TRMT9B: variants seen among roughly 807,000 people sequenced by gnomAD.
TRMT9B encodes the protein tRNA methyltransferase 9B (putative), also known as probable tRNA methyltransferase 9B.
A neutral mutation model predicts 11.5 loss-of-function variants in TRMT9B; 16 were observed. The ratio of observed to expected loss-of-function variants is 1.39; its 90% CI spans 0.94 to 2.11. The LOEUF (loss-of-function observed/expected upper bound fraction) is 2.11. Ranked by LOEUF, TRMT9B falls within the 30% of genes most tolerant of loss-of-function variation. The probability of loss-of-function intolerance (pLI) is 0.00; values close to 1 mark genes in which losing one functional copy is unlikely to be tolerated. For missense variants in TRMT9B, 941 were observed against 553.8 expected (o/e 1.70, Z -7.02); for synonymous variants, 274 against 192.4 (o/e 1.42, Z -3.51).
At chr8:12,993,956 G>A (rs552483023) in intron 2 of TRMT9B, among the ~76,000 whole-genome samples, 42 of 152,310 alleles carry the variant, frequency 2.8e-4, no homozygotes, top group African/African-American at 8.9e-4. Context: ...AACTTGGGAT[G>A]AGGCATGAGG....
At chr8:13,015,842 T>C (rs1236959352) in intron 4 of TRMT9B, among the ~76,000 whole-genome samples, 1 of 152,124 alleles carries the variant, frequency 6.6e-6, no homozygotes, top group Non-Finnish European at 1.5e-5. Context: ...CTAGTTACCA[T>C]CTTCGAATTA....
intron 1 of TRMT9B, among the ~76,000 whole-genome samples, chr8:12,956,820 A>C (rs1411831870): frequency 6.6e-6 from 1 of 152,170 alleles, no homozygotes; most frequent in Non-Finnish European, 1.5e-5. Flanking sequence ...TACTTATTTC[A>C]TACCCTGGTG....
Position 13,028,894 on chromosome 8 carries a change from C to G in TRMT9B, c.*6850C>G, listed in dbSNP as rs1284637993. 1.8e-5 allele frequency: 3 copies of G among 166,988 alleles called. No homozygotes were observed. Among genetic ancestry groups the G allele is most frequent in the Non-Finnish European group, 4.4e-5 (3 of 68,106 alleles). 10.3% of individuals were successfully genotyped at this position (166,988 alleles called of 1,614,324 possible). On this transcript the variant is annotated 3_prime_UTR_variant, in exon 5 of 5. Coordinates refer to ENST00000524591, the MANE Select transcript of TRMT9B (RefSeq NM_020844.3). ...GACTCCACTACTAAAGTTTGTTTTA[C>G]TTCTCTGGTTATTTACACAAAACGC...
intron 1 of TRMT9B, among the ~76,000 whole-genome samples, chr8:12,973,381 A>G (rs1193439725): frequency 1.3e-5 from 2 of 152,178 alleles, no homozygotes; most frequent in Non-Finnish European, 2.9e-5. Context: ...GGAGGACCAC[A>G]CAGAAAGCTG....
chr8:13,021,672 A>C lies in TRMT9B; in HGVS notation c.993A>C (p.Lys331Asn), dbSNP rs1813933437. The C allele has an allele frequency of 6.2e-7, 1 of 1,613,940 alleles. No homozygotes were observed. Among genetic ancestry groups the C allele is most frequent in the South Asian group, 1.1e-5 (1 of 91,052 alleles). ...LEWLRAPGTL[K>N]HLNGDHQGEM... ...GGCTGAGAGCACCAGGCACTCTGAAACATTTAAATGGAGACCATCAAGGGG... is the reference window on the plus strand; with the variant it reads ...GGCTGAGAGCACCAGGCACTCTGAACCATTTAAATGGAGACCATCAAGGGG... The change falls in exon 5 of 5, where the codon AAA (lysine) becomes AAC (asparagine). Residue 331 changes from lysine to asparagine, a missense_variant. Physicochemically the swap from Lys to Asn is moderately conservative, Grantham distance 94 (BLOSUM62 0). Transcript: ENST00000524591.
chr8:12,948,819 GCA>G (rs1800394071), intron 1 of TRMT9B, among the ~76,000 whole-genome samples: 1 of 152,108 alleles, frequency 6.6e-6, no homozygotes, highest in Non-Finnish European at 1.5e-5. Context: ...ACTTAGCCGG[GCA>G]TGGTGGCAGG....
At chr8:12,955,430 C>T (rs1801166528) in intron 1 of TRMT9B, among the ~76,000 whole-genome samples, 1 of 152,090 alleles carries the variant, frequency 6.6e-6, no homozygotes, top group Non-Finnish European at 1.5e-5. Flanking sequence ...TCCCTCCTAT[C>T]CTCCCTTCTT....
intron 1 of TRMT9B, among the ~76,000 whole-genome samples, chr8:12,948,772 A>G (rs1399847195): frequency 2.6e-5 from 4 of 152,072 alleles, no homozygotes; most frequent in African/African-American, 9.7e-5. Context: ...CATTCTGGCT[A>G]ACACGGTGAA....
rs200936322 is a variant in TRMT9B, at chr8:13,028,912, C to G, written c.*6868C>G. ...TGTTTTACTTCTCTGGTTATTTACA[C>G]AAAACGCTGGCAATACATTAAGGCT... On this transcript the variant is annotated 3_prime_UTR_variant, in exon 5 of 5. Coordinates refer to ENST00000524591, the MANE Select transcript of TRMT9B (RefSeq NM_020844.3). The G allele has an allele frequency of 1.2e-5, 2 of 166,976 alleles. No individual in the cohort carries two copies. The highest frequency in any genetic ancestry group is 3.9e-4 in the East Asian group (2 of 5,188). The allele number at this position is 166,976 out of a possible 1,614,324, so 10.3% of individuals were successfully genotyped here.
At chr8:12,950,783 G>A (rs1800545458) in intron 1 of TRMT9B, among the ~76,000 whole-genome samples, 2 of 151,956 alleles carry the variant, frequency 1.3e-5, no homozygotes, top group Non-Finnish European at 2.9e-5. Flanking sequence ...CTGTAGTTGT[G>A]TCCTCACAAA....
chr8:13,009,019 C>T (rs931582070), intron 3 of TRMT9B, among the ~76,000 whole-genome samples: 3 of 152,216 alleles, frequency 2.0e-5, no homozygotes, highest in South Asian at 2.1e-4. Context: ...TGAGCCACCG[C>T]GCCCGGCCGG....
At chr8:13,011,490 C>T (rs1811604367) in intron 3 of TRMT9B, 1 of 977,612 alleles carries the variant, frequency 1.0e-6, no homozygotes, top group African/African-American at 1.8e-5. Flanking sequence ...TCAGTAATGC[C>T]AATAAGTACA....
chr8:12,965,560 C>G (rs145501057), intron 1 of TRMT9B, among the ~76,000 whole-genome samples: 1 of 152,008 alleles, frequency 6.6e-6, no homozygotes, highest in South Asian at 2.1e-4. Context: ...TCTGATGACC[C>G]GAAAGTCTTT....
intron 2 of TRMT9B, among the ~76,000 whole-genome samples, chr8:12,997,514 T>A (rs910372667): frequency 3.3e-4 from 50 of 152,148 alleles, no homozygotes; most frequent in Non-Finnish European, 7.1e-4. Flanking sequence ...GGAGTTCCTT[T>A]ACAGCAACAC....
intron 4 of TRMT9B, among the ~76,000 whole-genome samples, chr8:13,018,571 A>G (rs576595574): frequency 6.6e-6 from 1 of 152,218 alleles, no homozygotes; most frequent in South Asian, 2.1e-4. Flanking sequence ...TATCTACAGT[A>G]GTCATGTTCT....
intron 3 of TRMT9B, chr8:13,007,138 C>T (rs1810630091): frequency 1.3e-5 from 2 of 152,188 alleles, no homozygotes; most frequent in African/African-American, 4.8e-5. Flanking sequence ...TCTGGTGGCT[C>T]ACTTTGAGTG....
chr8:12,978,564 A>G (rs1804835228), intron 1 of TRMT9B, among the ~76,000 whole-genome samples: 1 of 149,188 alleles, frequency 6.7e-6, no homozygotes, highest in Non-Finnish European at 1.5e-5. Context: ...AGATAGATAG[A>G]TAGATTCTTG....
chr8:12,977,631 G>A (rs1055664629), intron 1 of TRMT9B, among the ~76,000 whole-genome samples: 1 of 152,148 alleles, frequency 6.6e-6, no homozygotes, highest in African/African-American at 2.4e-5. Context: ...AACACGGGAG[G>A]CAGAGGTTGC....
chr8:13,000,489 G>A (rs1180816664), intron 2 of TRMT9B, among the ~76,000 whole-genome samples: 1 of 152,114 alleles, frequency 6.6e-6, no homozygotes, highest in Non-Finnish European at 1.5e-5. Context: ...AGAGTTTGTG[G>A]GGCAAGGGAA....
Sources: gnomAD v4.1 joint callset for allele counts (sites outside exome capture counted in the v4.1 genomes callset) on GRCh38, gnomAD v4.1.1 for gene constraint, MANE v1.5 for transcripts, NCBI Gene and HGNC (gene_info 2026-07-23, HGNC 2026-07-21) for gene names.